Variants in PRKN observed in about 807,000 individuals in gnomAD.
PRKN encodes parkin RBR E3 ubiquitin protein ligase.
Under a neutral mutation model 59.5 loss-of-function variants are expected in PRKN, and 56 were observed. That is an observed-to-expected ratio of 0.94 (90% confidence interval 0.76 to 1.18). The LOEUF is 1.18. Ranked by LOEUF, PRKN falls within the 50% of genes most tolerant of loss-of-function variation. PRKN has a pLI of 0.00. For synonymous variants in PRKN, 250 were observed against 222.1 expected (o/e 1.13, Z -1.12); for missense variants, 657 against 596.4 (o/e 1.10, Z -1.06).
chr6:162,533,246 G>A, intron 1 of PRKN, among the ~76,000 whole-genome samples: 1 of 152,198 alleles, frequency 6.6e-6, no homozygotes, highest in East Asian at 1.9e-4. Flanking sequence ...ATTTATGGCT[G>A]GGCGCGGTGG....
intron 6 of PRKN, among the ~76,000 whole-genome samples, chr6:161,965,022 G>T (rs918703785): frequency 6.6e-6 from 1 of 151,978 alleles, no homozygotes; most frequent in Non-Finnish European, 1.5e-5. Flanking sequence ...TTGTAACTAA[G>T]ATCTCCATTC....
At chr6:162,070,656 G>A (rs964013357) in intron 4 of PRKN, among the ~76,000 whole-genome samples, 3 of 152,152 alleles carry the variant, frequency 2.0e-5, no homozygotes, top group Non-Finnish European at 2.9e-5. Context: ...GACCCAGTGG[G>A]ATGGTTTCAG....
At chr6:161,853,461 A>G (rs1245269773) in intron 6 of PRKN, among the ~76,000 whole-genome samples, 1 of 152,194 alleles carries the variant, frequency 6.6e-6, no homozygotes, top group Admixed American at 6.5e-5. Flanking sequence ...TTTGGATATA[A>G]TTGCTTTTGA....
At chr6:162,689,425 T>G (rs2128234670) in intron 1 of PRKN, among the ~76,000 whole-genome samples, 1 of 152,372 alleles carries the variant, frequency 6.6e-6, no homozygotes, top group East Asian at 1.9e-4. Flanking sequence ...TAGGCTAAAT[T>G]CAGCCATCTT....
At chr6:162,556,854 C>T (rs957150056) in intron 1 of PRKN, among the ~76,000 whole-genome samples, 3 of 152,032 alleles carry the variant, frequency 2.0e-5, no homozygotes, top group Non-Finnish European at 4.4e-5. Context: ...CTCAAGCCAG[C>T]CCAGCAGAGG....
intron 9 of PRKN, among the ~76,000 whole-genome samples, chr6:161,531,216 C>T (rs1385644186): frequency 1.3e-5 from 2 of 151,956 alleles, no homozygotes; most frequent in East Asian, 3.9e-4. Flanking sequence ...CCCGTCTCTA[C>T]TAAAAATACA....
In PRKN at chr6:162,146,977, G is replaced by A. The variant is rs534272018; in HGVS notation, c.534+54154C>T. ...AACTCCTGACCTCAGGTGATCCACC[G>A]GCCTCGGCCTCCCAAAGTGCTGGGA... On this transcript the variant is annotated intron_variant, in intron 4 of 11. Transcript: ENST00000366898. Among the ~76,000 whole-genome samples, 31 of 151,014 alleles carry A rather than the reference G, an allele frequency of 2.1e-4. 1 individual carries two copies. The South Asian group carries it at 2.7e-3, about 13-fold the overall frequency.
At chr6:161,434,824 T>C (rs9355900) in intron 9 of PRKN, among the ~76,000 whole-genome samples, 83,962 of 151,984 alleles carry the variant, frequency 0.55, 23,598 homozygotes, top group East Asian at 0.84. Context: ...CAGTATCATT[T>C]CTTTCTGTAA....
At chr6:162,137,138 A>G (rs1042652945) in intron 4 of PRKN, among the ~76,000 whole-genome samples, 1 of 152,156 alleles carries the variant, frequency 6.6e-6, no homozygotes, top group Non-Finnish European at 1.5e-5. Flanking sequence ...CATTTATTAA[A>G]AGCCTTCAGC....
At chr6:162,626,916 GA>G in intron 1 of PRKN, among the ~76,000 whole-genome samples, 1 of 152,146 alleles carries the variant, frequency 6.6e-6, no homozygotes, top group South Asian at 2.1e-4. Flanking sequence ...ATTTTAAAAT[GA>G]AAACTTGAAA....
At chr6:162,720,094 A>G (rs1365831146) in intron 1 of PRKN, among the ~76,000 whole-genome samples, 1 of 152,214 alleles carries the variant, frequency 6.6e-6, no homozygotes, top group African/African-American at 2.4e-5. Flanking sequence ...AGAGGGCTTC[A>G]TCACAAGATC....
chr6:161,367,332 G>A (rs1197170540), intron 10 of PRKN, among the ~76,000 whole-genome samples: 1 of 152,094 alleles, frequency 6.6e-6, no homozygotes, highest in Non-Finnish European at 1.5e-5. Flanking sequence ...TTAGCCGGCA[G>A]GACAGCTACC....
At chr6:162,517,536 G>A (rs746692985) in intron 1 of PRKN, among the ~76,000 whole-genome samples, 11 of 151,880 alleles carry the variant, frequency 7.2e-5, no homozygotes, top group South Asian at 6.2e-4. Context: ...GATTACAGGC[G>A]TGAGCGACTG....
At chr6:161,765,032 T>C (rs1035140512) in intron 7 of PRKN, among the ~76,000 whole-genome samples, 2 of 152,068 alleles carry the variant, frequency 1.3e-5, no homozygotes, top group Admixed American at 6.6e-5. Flanking sequence ...TGCCTTGGAG[T>C]GGTTAAATAT....
intron 6 of PRKN, among the ~76,000 whole-genome samples, chr6:161,830,646 AACAT>A (rs1792459604): frequency 6.6e-6 from 1 of 152,182 alleles, no homozygotes; most frequent in Admixed American, 6.5e-5. Flanking sequence ...TTTAAATTGA[AACAT>A]AAAAATTGTA....
At chr6:162,391,227 A>G (rs936647181) in intron 2 of PRKN, among the ~76,000 whole-genome samples, 1 of 124,650 alleles carries the variant, frequency 8.0e-6, no homozygotes, top group African/African-American at 3.1e-5. Flanking sequence ...GACTTCATCC[A>G]GGAAGATAAT....
intron 7 of PRKN, among the ~76,000 whole-genome samples, chr6:161,723,501 T>C (rs1321911868): frequency 1.3e-5 from 2 of 152,070 alleles, no homozygotes; most frequent in Non-Finnish European, 1.5e-5. Flanking sequence ...CTTGCATATT[T>C]TGGCTTTCTG....
At chr6:162,339,575 C>A (rs1784064966) in intron 2 of PRKN, among the ~76,000 whole-genome samples, 1 of 150,458 alleles carries the variant, frequency 6.6e-6, no homozygotes, top group Non-Finnish European at 1.5e-5. Flanking sequence ...GCGCCTCTGC[C>A]CGGCCGCCCC....
At chr6:162,285,974 A>G (rs1440761551) in intron 2 of PRKN, among the ~76,000 whole-genome samples, 5 of 152,196 alleles carry the variant, frequency 3.3e-5, no homozygotes, top group Non-Finnish European at 7.3e-5. Flanking sequence ...TCTCAACTGT[A>G]AGCTGGGAGC....
Sources: allele counts gnomAD v4.1 joint callset (sites outside exome capture counted in the v4.1 genomes callset), GRCh38; gene constraint gnomAD v4.1.1; transcripts MANE v1.5; gene names NCBI Gene and HGNC (gene_info 2026-07-23, HGNC 2026-07-21).